The following CRACR2A variants were observed in gnomAD, a reference collection of about 807,000 sequenced individuals.
CRACR2A encodes calcium release activated channel regulator 2A, also known as EF-hand calcium-binding domain-containing protein 4B.
CRACR2A carries 79 observed loss-of-function variants against 90.5 expected under a neutral mutation model. The ratio of observed to expected loss-of-function variants is 0.87; its 90% CI spans 0.73 to 1.05. CRACR2A has a LOEUF of 1.05. CRACR2A is among the 50% of genes least tolerant of loss of function. The pLI is 0.00. For synonymous variants in CRACR2A, 338 were observed against 356.7 expected (o/e 0.95, Z 0.59); for missense variants, 823 against 897.2 (o/e 0.92, Z 1.06).
intron 10 of CRACR2A, among the ~76,000 whole-genome samples, chr12:3,653,131 C>T (rs182791517): frequency 8.4e-4 from 128 of 152,170 alleles, no homozygotes; most frequent in African/African-American, 2.7e-3. Flanking sequence ...TACAGGCGTG[C>T]GCCATCATGC....
At chr12:3,680,034 C>T (rs891807776) in intron 5 of CRACR2A, among the ~76,000 whole-genome samples, 3 of 152,188 alleles carry the variant, frequency 2.0e-5, no homozygotes, top group African/African-American at 7.2e-5. Flanking sequence ...GGGCACTGAG[C>T]AAGCGGCAAT....
chr12:3,670,237 C>T (rs899357516), intron 7 of CRACR2A, among the ~76,000 whole-genome samples: 110 of 152,232 alleles, frequency 7.2e-4, no homozygotes, highest in African/African-American at 2.5e-3. Flanking sequence ...AGCTGTCATC[C>T]CCAGCTTCTG....
At chr12:3,634,314 T>A (rs1944423335) in intron 14 of CRACR2A, among the ~76,000 whole-genome samples, 1 of 152,154 alleles carries the variant, frequency 6.6e-6, no homozygotes, top group South Asian at 2.1e-4. Flanking sequence ...TCTCCGTCCA[T>A]CTTATCGGTT....
At chr12:3,743,872 G>T (rs1946568754) in intron 1 of CRACR2A, among the ~76,000 whole-genome samples, 1 of 152,208 alleles carries the variant, frequency 6.6e-6, no homozygotes, top group South Asian at 2.1e-4. Context: ...AGTCCATGGG[G>T]AGGGTAATGA....
chr12:3,716,924 A>AT (rs75532126), intron 2 of CRACR2A, among the ~76,000 whole-genome samples: 20,704 of 151,782 alleles, frequency 0.14, 1,602 homozygotes, highest in Admixed American at 0.22. Context: ...AAATTCTTGT[A>AT]TTTTTTTTAA....
At chr12:3,680,562 T>G (rs571514574) in intron 4 of CRACR2A, among the ~76,000 whole-genome samples, 1 of 152,378 alleles carries the variant, frequency 6.6e-6, no homozygotes, top group Admixed American at 6.5e-5. Context: ...ACGAATGTAC[T>G]AGGCCATTTG....
intron 10 of CRACR2A, among the ~76,000 whole-genome samples, chr12:3,651,315 C>T (rs1023426855): frequency 2.0e-5 from 3 of 152,188 alleles, no homozygotes; most frequent in Admixed American, 6.5e-5. Flanking sequence ...ATATATGTGC[C>T]TGTGCCTGCA....
chr12:3,636,642 G>C (rs748706360), intron 14 of CRACR2A, among the ~76,000 whole-genome samples: 4 of 152,180 alleles, frequency 2.6e-5, no homozygotes, highest in Non-Finnish European at 5.9e-5. Flanking sequence ...CATTTTACGG[G>C]GACATCTTGG....
chr12:3,736,356 T>C (rs190523745), intron 1 of CRACR2A, among the ~76,000 whole-genome samples: 1 of 151,556 alleles, frequency 6.6e-6, no homozygotes, highest in Non-Finnish European at 1.5e-5. Flanking sequence ...GTTAGGTAGA[T>C]GGGTGACATT....
rs60234424 is a variant in CRACR2A at position 3,679,249 on chromosome 12, C to T, written c.341-151G>A. The T allele has an allele frequency of 1.8e-3, 1,270 of 706,982 alleles. 16 individuals carry two copies. The African/African-American group carries it at 0.02, about 11-fold the overall frequency. 43.8% of individuals were successfully genotyped at this position (706,982 alleles called of 1,614,324 possible). ...CAGCAAAGATCCATGGACATGGGTC[C>T]GTGGACACGTTCCAGATTCTGTGAC... On this transcript the variant is annotated intron_variant, in intron 5 of 19. Coordinates refer to ENST00000440314, the MANE Select transcript of CRACR2A (RefSeq NM_001144958.2).
At chr12:3,700,376 C>T (rs920998217) in intron 3 of CRACR2A, among the ~76,000 whole-genome samples, 1 of 152,262 alleles carries the variant, frequency 6.6e-6, no homozygotes, top group Admixed American at 6.5e-5. Context: ...GTCTTATTAT[C>T]TAAAGAGTTT....
intron 7 of CRACR2A, among the ~76,000 whole-genome samples, chr12:3,664,523 ATGT>A (rs1945093018): frequency 1.3e-5 from 2 of 152,266 alleles, no homozygotes; most frequent in South Asian, 2.1e-4. Flanking sequence ...AGCTTAATAC[ATGT>A]TGTTCTTCTT....
rs895320190 is a variant in CRACR2A, at chr12:3,711,637, C to G, written c.-37+1600G>C. On this transcript the variant is annotated intron_variant, in intron 3 of 19. Transcript: ENST00000440314. This position sits in a 1 kb window ranked among gnomAD's most constrained non-coding sequence, Gnocchi z 4.3. ...TAAGATTGAGGCCTTCTCTACAGCT[C>G]TTCTCTTCTTCTGAGCCCTCACCAG... 7.2e-6 allele frequency among the ~76,000 whole-genome samples: 1 copy of G among 138,238 alleles called. No individual in the cohort carries two copies. The highest frequency in any genetic ancestry group is 2.7e-5 in the African/African-American group (1 of 36,522). 90.7% of individuals were successfully genotyped at this position (138,238 alleles called of 152,430 possible).
chr12:3,644,830 C>G (rs1433359454), intron 11 of CRACR2A, among the ~76,000 whole-genome samples, 190 bp from the exon 12 acceptor site: 1 of 152,202 alleles, frequency 6.6e-6, no homozygotes, highest in Non-Finnish European at 1.5e-5. Context: ...TAGGTACACA[C>G]AGATGTGGGG....
rs563950130 is a variant in CRACR2A, at chr12:3,633,634, G to T, written c.1705C>A (p.Arg569=). The part of the protein sequence containing the change: ...TSFLRRFCED[R]FSPGMAATVG... ...GTGGCCGCCATGCCTGGGGAGAACCGGTCCTCACAGAATCTCCTCAGGAAG... is the reference window on the plus strand; with the variant it reads ...GTGGCCGCCATGCCTGGGGAGAACCTGTCCTCACAGAATCTCCTCAGGAAG... The change falls in exon 15 of 20, where the codon CGG becomes AGG. Residue 569 remains arginine (R), a synonymous_variant. Transcript: ENST00000440314. This position sits in a 1 kb window ranked among gnomAD's most constrained non-coding sequence, Gnocchi z 4.5. The T allele has an allele frequency of 2.6e-6, 4 of 1,551,692 alleles. No individual in the cohort carries two copies. The highest frequency in any genetic ancestry group is 3.9e-5 in the Admixed American group (2 of 51,012).
intron 3 of CRACR2A, among the ~76,000 whole-genome samples, chr12:3,707,928 A>C (rs1457508317): frequency 6.6e-6 from 1 of 152,242 alleles, no homozygotes; most frequent in Non-Finnish European, 1.5e-5. Flanking sequence ...CCCACTTTAC[A>C]GGTAAGGAAG....
intron 1 of CRACR2A, among the ~76,000 whole-genome samples, chr12:3,734,473 C>A (rs1008285888): frequency 2.0e-5 from 3 of 152,252 alleles, no homozygotes; most frequent in Admixed American, 2.0e-4. Context: ...AACAATCCCA[C>A]TTCTAGGTAT....
chr12:3,696,978 CCCT>C lies in CRACR2A; in HGVS notation c.19_21del (p.Arg7del), dbSNP rs200051200. The C allele has an allele frequency of 7.2e-3, 11,582 of 1,613,324 alleles. 76 individuals are homozygous for C. The highest frequency in any genetic ancestry group is 8.5e-3 in the Non-Finnish European group (9,970 of 1,179,592). On this transcript the variant is annotated inframe_deletion, in exon 4 of 20. Coordinates refer to ENST00000440314, the MANE Select transcript of CRACR2A (RefSeq NM_001144958.2). ...CCAAGTCTCTGGGGTCTGGAGACTA[CCCT>C]CCCGTCAGGGGCAGCCATCGCGATT... is the stretch of plus-strand genomic sequence containing the variant.
chr12:3,660,684 T>G (rs1029841022), intron 7 of CRACR2A, among the ~76,000 whole-genome samples: 1 of 152,110 alleles, frequency 6.6e-6, no homozygotes, highest in Non-Finnish European at 1.5e-5. Context: ...TCCCAGATAG[T>G]TGCATTTTCA....
Sources: allele counts gnomAD v4.1 joint callset (sites outside exome capture counted in the v4.1 genomes callset), GRCh38; gene constraint gnomAD v4.1.1; non-coding constraint Gnocchi (gnomAD v3.1); transcripts MANE v1.5; gene names NCBI Gene and HGNC (gene_info 2026-07-23, HGNC 2026-07-21).